The following JAM3 variants were observed in gnomAD, a reference collection of about 807,000 sequenced individuals.
JAM3 encodes junctional adhesion molecule C.
In JAM3, 31 loss-of-function variants were observed where a neutral mutation model predicts 39.4. The ratio of observed to expected loss-of-function variants is 0.79; its 90% CI spans 0.59 to 1.06. The LOEUF is 1.06. Among genes scored for constraint, JAM3 ranks in the 50% least tolerant of loss-of-function variants. The probability of loss-of-function intolerance (pLI) is 0.00; values close to 1 mark genes in which losing one functional copy is unlikely to be tolerated. For synonymous variants in JAM3, 182 were observed against 148.7 expected, an observed-to-expected ratio of 1.22 and a Z score of -1.63; for missense variants, 455 against 391.4, an observed-to-expected ratio of 1.16 and a Z score of -1.37.
At chr11:134,123,347 G>A (rs1316145831) in intron 1 of JAM3, among the ~76,000 whole-genome samples, 1 of 151,908 alleles carries the variant, frequency 6.6e-6, no homozygotes, top group Non-Finnish European at 1.5e-5. Flanking sequence ...ATGTAGGAGA[G>A]GAAGGAAAAA....
rs894001182 is a variant in JAM3, at chr11:134,149,578, G to A, written c.*397G>A. On this transcript the variant is annotated 3_prime_UTR_variant, in exon 9 of 9. Transcript: ENST00000299106. The stretch of plus-strand genomic sequence containing the variant: ...AGCCACGACAGCACCATGTGAGATG[G>A]CGAGGTGGCTGGACAGCACCAGCAG... The A allele has an allele frequency of 2.9e-5, 14 of 474,744 alleles. No homozygotes were observed. Among genetic ancestry groups the A allele is most frequent in the Admixed American group, 4.6e-5 (2 of 43,054 alleles). 29.4% of individuals were successfully genotyped at this position (474,744 alleles called of 1,614,324 possible).
At chr11:134,117,713 G>A (rs765610406) in intron 1 of JAM3, among the ~76,000 whole-genome samples, 5 of 152,164 alleles carry the variant, frequency 3.3e-5, no homozygotes, top group Admixed American at 6.5e-5. Context: ...CAAAGCAAAC[G>A]AATAACTGGT....
Position 134,151,181 on chromosome 11 carries a change from C to T in JAM3, c.*2000C>T, listed in dbSNP as rs1943220632. The T allele has an allele frequency of 1.3e-5, 2 of 152,246 alleles. No homozygotes were observed. The highest frequency in any genetic ancestry group is 4.1e-4 in the South Asian group (2 of 4,838). The allele number at this position is 152,246 out of a possible 1,614,324, so 9.4% of individuals were successfully genotyped here. A position where few individuals can be genotyped will look rare whatever the true frequency, so the allele number is the denominator to read the frequency against. On this transcript the variant is annotated 3_prime_UTR_variant, in exon 9 of 9. Coordinates refer to ENST00000299106, the MANE Select transcript of JAM3 (RefSeq NM_032801.5). ...CTTCCAGTGTCTTGGGTTTTTTATA[C>T]TTTGACAGCTTTTTTTTAATTGCAT... is the stretch of plus-strand genomic sequence containing the variant.
At chr11:134,129,122 C>CTT (rs35267285) in intron 1 of JAM3, among the ~76,000 whole-genome samples, 215 of 136,396 alleles carry the variant, frequency 1.6e-3, no homozygotes, top group African/African-American at 5.3e-3. Context: ...TCTTCAAGTT[C>CTT]TTTTTTTTTT....
intron 1 of JAM3, among the ~76,000 whole-genome samples, chr11:134,119,316 C>T (rs1219979184): frequency 6.6e-6 from 1 of 152,200 alleles, no homozygotes; most frequent in African/African-American, 2.4e-5. Context: ...GCTTTGAGGT[C>T]TTCCTGCTGG....
intron 1 of JAM3, among the ~76,000 whole-genome samples, chr11:134,112,856 A>G (rs964059253): frequency 6.6e-6 from 1 of 152,200 alleles, no homozygotes; most frequent in Non-Finnish European, 1.5e-5. Context: ...GGAGAGGGGT[A>G]GAGCATGAAA....
intron 1 of JAM3, among the ~76,000 whole-genome samples, chr11:134,122,372 C>T (rs759167305): frequency 6.6e-6 from 1 of 152,170 alleles, no homozygotes; most frequent in East Asian, 1.9e-4. Flanking sequence ...AAAAATAGTG[C>T]AAGAGCCCCT....
chr11:134,076,302 C>T (rs1591767401), intron 1 of JAM3, among the ~76,000 whole-genome samples: 1 of 151,716 alleles, frequency 6.6e-6, no homozygotes, highest in Non-Finnish European at 1.5e-5. Context: ...TTACAGGCGG[C>T]CGCCACCACG....
rs769829830 is a variant in JAM3 at position 134,069,110 on chromosome 11, C to T, written c.27C>T (p.Leu9=). 1.2e-6 allele frequency: 2 copies of T among 1,612,398 alleles called. No homozygotes were observed. The highest frequency in any genetic ancestry group is 1.1e-5 in the South Asian group (1 of 90,990). MALRRPPR[L]RLCARLPDFF... is the part of the protein sequence containing the mutation. ...TGGCGCTGAGGCGGCCACCGCGACT[C>T]CGGCTCTGCGCTCGGCTGCCTGACT... Residue 9 remains leucine, a synonymous_variant, in exon 1 of 9, where the codon CTC becomes CTT. Coordinates refer to ENST00000299106, the MANE Select transcript of JAM3 (RefSeq NM_032801.5).
In JAM3 at chr11:134,146,027, G is replaced by T; in HGVS notation, c.694G>T (p.Glu232Ter). The T allele has an allele frequency of 6.2e-7, 1 of 1,613,462 alleles. No homozygotes were observed. Among genetic ancestry groups the T allele is most frequent in the Non-Finnish European group, 8.5e-7 (1 of 1,179,356 alleles). Residue 232 changes from glutamate to a stop codon, truncating the protein, a stop_gained, in exon 6 of 9, where the codon GAG (glutamate) becomes TAG (stop). Coordinates refer to ENST00000299106, the MANE Select transcript of JAM3 (RefSeq NM_032801.5). LOFTEE classifies it high-confidence loss of function. Reference protein sequence around the residue: ...SNDAGSARCEEQEMEVYDLNI... With the variant: ...SNDAGSARCE ...TGACGCAGGCTCAGCCAGGTGTGAG[G>T]AGCAGGAGATGGAAGTCTGTGAGTT...
At chr11:134,099,483 G>A (rs932617323) in intron 1 of JAM3, among the ~76,000 whole-genome samples, 1 of 152,186 alleles carries the variant, frequency 6.6e-6, no homozygotes, top group Admixed American at 6.5e-5. Context: ...TGGTATTGAG[G>A]ATAAGACAGT....
In JAM3 at chr11:134,151,799, C is replaced by A. The variant is rs147795159; in HGVS notation, c.*2618C>A. The A allele has an allele frequency of 8.5e-5, 13 of 152,202 alleles. No individual in the cohort carries two copies. The highest frequency in any genetic ancestry group is 3.1e-4 in the African/African-American group (13 of 41,452). 9.4% of individuals were successfully genotyped at this position (152,202 alleles called of 1,614,324 possible). A position where few individuals can be genotyped will look rare whatever the true frequency, so the allele number is the denominator to read the frequency against. ...ATTTGCTCTTACGTTGGGTTTGTCTCTTCTTCCTAGCATTTCAGTGGTTAG... is the reference window on the plus strand; with the variant it reads ...ATTTGCTCTTACGTTGGGTTTGTCTATTCTTCCTAGCATTTCAGTGGTTAG... On this transcript the variant is annotated 3_prime_UTR_variant, in exon 9 of 9. Coordinates refer to ENST00000299106, the MANE Select transcript of JAM3 (RefSeq NM_032801.5).
intron 1 of JAM3, among the ~76,000 whole-genome samples, chr11:134,099,708 G>A (rs1237236140): frequency 1.3e-5 from 2 of 152,202 alleles, no homozygotes; most frequent in Non-Finnish European, 2.9e-5. Context: ...TTGGTCTCAA[G>A]CAATTCTTCT....
At chr11:134,117,148 G>A (rs1344287745) in intron 1 of JAM3, among the ~76,000 whole-genome samples, 1 of 151,978 alleles carries the variant, frequency 6.6e-6, no homozygotes, top group Non-Finnish European at 1.5e-5. Flanking sequence ...GATCATCTGA[G>A]GTCAGGAGTT....
intron 1 of JAM3, among the ~76,000 whole-genome samples, chr11:134,091,607 G>A (rs530792594): frequency 7.0e-6 from 1 of 142,826 alleles, no homozygotes; most frequent in Admixed American, 7.5e-5. Flanking sequence ...TCCAGCTTGG[G>A]TGACAGAGTA....
At chr11:134,147,106 C>T (rs891657121) in intron 6 of JAM3, among the ~76,000 whole-genome samples, 4 of 152,154 alleles carry the variant, frequency 2.6e-5, no homozygotes, top group Non-Finnish European at 2.9e-5. Flanking sequence ...TTGCCCCAGA[C>T]CTACTTTAGC....
intron 8 of JAM3, 115 bp from the exon 9 acceptor site, chr11:134,149,031 T>C (rs1943138332): frequency 1.0e-5 from 13 of 1,287,944 alleles, no homozygotes; most frequent in Non-Finnish European, 1.2e-5. Context: ...CTAGTGATGG[T>C]ACTTTTTAAG....
intron 1 of JAM3, among the ~76,000 whole-genome samples, chr11:134,127,012 C>T (rs1200340645): frequency 1.3e-5 from 2 of 152,210 alleles, no homozygotes; most frequent in Non-Finnish European, 2.9e-5. Context: ...AAGGAATTAT[C>T]AAACTATTAT....
chr11:134,111,062 A>G (rs1468860393), intron 1 of JAM3, among the ~76,000 whole-genome samples: 1 of 149,530 alleles, frequency 6.7e-6, no homozygotes, highest in Non-Finnish European at 1.5e-5. Context: ...TCCTTGAATT[A>G]ATTCTTTGTT....
Sources: allele counts gnomAD v4.1 joint callset (sites outside exome capture counted in the v4.1 genomes callset), GRCh38; gene constraint gnomAD v4.1.1; transcripts MANE v1.5; gene names NCBI Gene and HGNC (gene_info 2026-07-23, HGNC 2026-07-21).